The following AIG1 variants were observed in gnomAD, a reference collection of about 807,000 sequenced individuals.
The protein encoded by AIG1 is androgen-induced gene 1 protein.
Under a neutral mutation model 31.4 loss-of-function variants are expected in AIG1, and 23 were observed. The ratio of observed to expected loss-of-function variants is 0.73; its 90% confidence interval spans 0.53 to 1.04. The LOEUF (loss-of-function observed/expected upper bound fraction) is 1.04. Ranked by LOEUF, AIG1 falls within the 50% of genes least tolerant of loss-of-function variation. AIG1 has a pLI of 0.00. For missense variants in AIG1, 274 were observed against 295.0 expected (o/e 0.93, Z 0.52); for synonymous variants, 100 against 110.5 (o/e 0.90, Z 0.60).
At position 143,060,909 on chromosome 6, in the gene AIG1, C is replaced by A; in HGVS notation, c.-17C>A. The A allele has an allele frequency of 2.5e-6, 4 of 1,592,268 alleles. No homozygotes were observed. The highest frequency in any genetic ancestry group is 2.6e-6 in the Non-Finnish European group (3 of 1,171,230). ...CCGCCCTCCTTGCCGCCCAGCCGGTCCAGGCCTCTGGCGAACATGGCGCTT... is the reference window on the plus strand; with the variant it reads ...CCGCCCTCCTTGCCGCCCAGCCGGTACAGGCCTCTGGCGAACATGGCGCTT... On this transcript the variant is annotated 5_prime_UTR_variant, in exon 1 of 6. Transcript: ENST00000357847.
intron 3 of AIG1, among the ~76,000 whole-genome samples, chr6:143,228,667 T>G (rs1032033130): frequency 6.6e-6 from 1 of 152,202 alleles, no homozygotes; most frequent in Non-Finnish European, 1.5e-5. Context: ...GGGCTTCGAC[T>G]CTGGGACTAT....
chr6:143,250,475 A>G (rs1007105278), intron 3 of AIG1, among the ~76,000 whole-genome samples: 1 of 152,188 alleles, frequency 6.6e-6, no homozygotes, highest in South Asian at 2.1e-4. Context: ...AAAATAACCT[A>G]TTATGGCAAA....
intron 3 of AIG1, among the ~76,000 whole-genome samples, chr6:143,263,111 A>G (rs553316216): frequency 1.3e-5 from 2 of 152,224 alleles, no homozygotes; most frequent in East Asian, 3.9e-4. Context: ...TTAGTACATC[A>G]CCTTTACTCC....
At position 143,229,636 on chromosome 6, in the gene AIG1, C is replaced by T. The variant is rs191458491; in HGVS notation, c.400-54474C>T. Among the ~76,000 whole-genome samples, 3 of 152,252 alleles carry T rather than the reference C, an allele frequency of 2.0e-5. No individual in the cohort carries two copies. In the East Asian group the frequency reaches 5.8e-4, roughly 29 times the overall value. On this transcript the variant is annotated intron_variant, in intron 3 of 5. Coordinates refer to ENST00000357847, the MANE Select transcript of AIG1 (RefSeq NM_016108.4). Reference sequence around the variant, plus strand: ...TTAAACCACCATGACAGTGACAACTCATCATTCTTCTTTCAGCAGATAATA... The same window carrying T: ...TTAAACCACCATGACAGTGACAACTTATCATTCTTCTTTCAGCAGATAATA...
rs1272996160 is a variant in AIG1 at position 143,333,726 on chromosome 6, A to G, written c.679+281A>G. 2.6e-5 allele frequency among the ~76,000 whole-genome samples: 4 copies of G among 152,222 alleles called. No homozygotes were observed. Among genetic ancestry groups the G allele is most frequent in the Non-Finnish European group, 4.4e-5 (3 of 68,042 alleles). On this transcript the variant is annotated intron_variant, in intron 5 of 5. Transcript: ENST00000357847. This position sits in a 1 kb window ranked among gnomAD's most constrained non-coding sequence, Gnocchi z 4.6. Reference sequence around the variant, plus strand: ...TTATAGGGAAAAATGTAGTGTTAGCAAAAAATATATATTAGGGAAATTTGT... The same window carrying G: ...TTATAGGGAAAAATGTAGTGTTAGCGAAAAATATATATTAGGGAAATTTGT...
At position 143,165,085 on chromosome 6, in the gene AIG1, G is replaced by A; in HGVS notation, c.301G>A (p.Val101Ile). Residue 101 changes from valine (V) to isoleucine (I), a missense_variant, in exon 3 of 6, where the codon GTT (valine) becomes ATT (isoleucine). Coordinates refer to ENST00000357847, the MANE Select transcript of AIG1 (RefSeq NM_016108.4). ...AAAGATTTCTTTTTCCTTCCAGTTT[G>A]TTGTAGCAGTGTTCTGGATCATTTA... ...AVLAFPVGVF[V>I]VAVFWIIYAY... 1.2e-6 allele frequency: 2 copies of A among 1,608,468 alleles called. No individual in the cohort carries two copies. The highest frequency in any genetic ancestry group is 1.7e-6 in the Non-Finnish European group (2 of 1,175,492).
At chr6:143,083,354 C>T (rs935789787) in intron 1 of AIG1, among the ~76,000 whole-genome samples, 2 of 152,198 alleles carry the variant, frequency 1.3e-5, no homozygotes, top group Admixed American at 1.3e-4. Flanking sequence ...GGGGCTATCC[C>T]TGAACCCTTG....
chr6:143,244,326 G>A (rs1304938714), intron 3 of AIG1, among the ~76,000 whole-genome samples: 1 of 152,174 alleles, frequency 6.6e-6, no homozygotes, highest in Non-Finnish European at 1.5e-5. Context: ...CCCCAGCCTA[G>A]GGGCTGAGTG....
rs114293822 is a variant in AIG1, at chr6:143,316,578, C to A, written c.516-16704C>A. 9.1e-3 allele frequency among the ~76,000 whole-genome samples: 1,388 copies of A among 151,882 alleles called. 15 individuals are homozygous for A. The highest frequency in any genetic ancestry group is 0.032 in the African/African-American group (1,338 of 41,460). On this transcript the variant is annotated intron_variant, in intron 4 of 5. Transcript: ENST00000357847. ...ATGAGCACAAAGAGACAATCTAAGA[C>A]CACACCTCAAAGAACTAGAGAAAGA...
chr6:143,184,319 C>T (rs142384240), intron 3 of AIG1, among the ~76,000 whole-genome samples: 7 of 152,262 alleles, frequency 4.6e-5, no homozygotes, highest in East Asian at 1.9e-4. Flanking sequence ...TCTCTTTCCA[C>T]GAAGATTTCA....
chr6:143,236,655 C>T (rs1793829128), intron 3 of AIG1, among the ~76,000 whole-genome samples: 2 of 152,320 alleles, frequency 1.3e-5, no homozygotes, highest in South Asian at 4.1e-4. Flanking sequence ...CAACAGTAGG[C>T]TCCAGTCCTT....
chr6:143,203,262 G>C (rs904015149), intron 3 of AIG1, among the ~76,000 whole-genome samples: 2 of 152,174 alleles, frequency 1.3e-5, no homozygotes, highest in African/African-American at 2.4e-5. Flanking sequence ...CCTGTGGCCA[G>C]GATTCTAGTC....
At chr6:143,108,884 C>G (rs1050306131) in intron 1 of AIG1, among the ~76,000 whole-genome samples, 1 of 152,158 alleles carries the variant, frequency 6.6e-6, no homozygotes, top group Non-Finnish European at 1.5e-5. Flanking sequence ...ATATGAACAG[C>G]TCAATGAGTT....
chr6:143,200,272 A>G (rs1380214408), intron 3 of AIG1, among the ~76,000 whole-genome samples: 5 of 152,144 alleles, frequency 3.3e-5, no homozygotes, highest in Admixed American at 2.0e-4. Flanking sequence ...GAGAATAGAG[A>G]AAATATTTTT....
intron 3 of AIG1, among the ~76,000 whole-genome samples, chr6:143,179,207 G>A (rs562951022): frequency 2.0e-5 from 3 of 152,170 alleles, no homozygotes; most frequent in Non-Finnish European, 4.4e-5. Context: ...TGGTCACCTG[G>A]TTGGAGTGCT....
At chr6:143,324,607 G>C (rs1294715155) in intron 4 of AIG1, among the ~76,000 whole-genome samples, 1 of 152,132 alleles carries the variant, frequency 6.6e-6, no homozygotes, top group African/African-American at 2.4e-5. Flanking sequence ...ATCTGTCTAG[G>C]CCTCAGTGTC....
intron 1 of AIG1, among the ~76,000 whole-genome samples, chr6:143,073,682 G>T (rs990423430): frequency 2.0e-5 from 3 of 152,332 alleles, no homozygotes; most frequent in Middle Eastern, 3.4e-3. Flanking sequence ...TGCAGGCTGT[G>T]TAGGAAACAT....
chr6:143,137,925 G>A (rs1334451406), intron 2 of AIG1, among the ~76,000 whole-genome samples: 2 of 152,192 alleles, frequency 1.3e-5, no homozygotes, highest in East Asian at 1.9e-4. Flanking sequence ...CATGCACCAA[G>A]TCCATTGTAG....
chr6:143,221,433 T>G (rs1165575692), intron 3 of AIG1, among the ~76,000 whole-genome samples: 1 of 152,050 alleles, frequency 6.6e-6, no homozygotes, highest in Non-Finnish European at 1.5e-5. Flanking sequence ...CACTGTGGTC[T>G]CTGTGGTCTT....
Sources: gnomAD v4.1 joint callset for allele counts (sites outside exome capture counted in the v4.1 genomes callset) on GRCh38, gnomAD v4.1.1 for gene constraint, Gnocchi (gnomAD v3.1) non-coding constraint, MANE v1.5 for transcripts, NCBI Gene and HGNC (gene_info 2026-07-23, HGNC 2026-07-21) for gene names.